The following CHMP7 variants were observed in gnomAD, a reference collection of about 807,000 sequenced individuals.
The protein encoded by CHMP7 is CHMP family, member 7.
In CHMP7, 15 loss-of-function variants were observed where a neutral mutation model predicts 53.7. The observed-to-expected ratio is 0.28, with a 90% CI of 0.19 to 0.43. The LOEUF is 0.43. CHMP7 is among the 20% of genes least tolerant of loss of function. The pLI is 1.00. For missense variants in CHMP7, 527 were observed against 569.4 expected, an observed-to-expected ratio of 0.93 and a Z score of 0.76; for synonymous variants, 261 against 228.0, an observed-to-expected ratio of 1.14 and a Z score of -1.30.
intron 2 of CHMP7, chr8:23,248,213 G>A: frequency 6.6e-6 from 3 of 456,220 alleles, no homozygotes; most frequent in Non-Finnish European, 1.3e-5. Flanking sequence ...TGAGGGAAGG[G>A]ACCAGAATGG....
rs75619283 is a variant in CHMP7, at chr8:23,255,540, C to T, written c.657+108C>T. On this transcript the variant is annotated intron_variant, in intron 4 of 10. Coordinates refer to ENST00000397677, the MANE Select transcript of CHMP7 (RefSeq NM_152272.5). ...GGTTTCCAGAGTTTCAGTAACCTGC[C>T]GTCAACCACGGTCCAAAAATAATAA... is the stretch of plus-strand genomic sequence containing the variant. 1.4e-3 allele frequency: 1,260 copies of T among 915,112 alleles called. 9 individuals are homozygous for T. The African/African-American group carries it at 0.018, about 13-fold the overall frequency. The allele number at this position is 915,112 out of a possible 1,614,324, so 56.7% of individuals were successfully genotyped here.
chr8:23,249,529 T>G, intron 3 of CHMP7, 148 bp downstream of exon 3: 1 of 589,512 alleles, frequency 1.7e-6, no homozygotes, highest in Non-Finnish European at 2.9e-6. Flanking sequence ...TCCCTTGTAC[T>G]TGCACTTTGT....
At chr8:23,257,616 T>TTGTAC (rs1437576039) in intron 5 of CHMP7, among the ~76,000 whole-genome samples, 1 of 152,194 alleles carries the variant, frequency 6.6e-6, no homozygotes, top group African/African-American at 2.4e-5. Flanking sequence ...AAGGAATCCC[T>TTGTAC]AATAAAGACA....
rs1316736151 is a variant in CHMP7, at chr8:23,246,449, G to A, written c.-247G>A. ...GCCTTTCTTTCGGCACAAAGACCGT[G>A]GGAGGAGGGGTCGGCGCAAGCGCTC... On this transcript the variant is annotated 5_prime_UTR_variant, in exon 2 of 11. Coordinates refer to ENST00000397677, the MANE Select transcript of CHMP7 (RefSeq NM_152272.5). 1 of 547,226 alleles carries A rather than the reference G, an allele frequency of 1.8e-6. No homozygotes were observed. Among genetic ancestry groups the A allele is most frequent in the Non-Finnish European group, 3.2e-6 (1 of 308,280 alleles). The allele number at this position is 547,226 out of a possible 1,614,324, so 33.9% of individuals were successfully genotyped here. A position where few individuals can be genotyped will look rare whatever the true frequency, so the allele number is the denominator to read the frequency against.
At chr8:23,248,114 A>G (rs546653562) in intron 2 of CHMP7, 18 of 456,028 alleles carry the variant, frequency 3.9e-5, no homozygotes, top group Non-Finnish European at 7.1e-5. Flanking sequence ...CACCTGGCCA[A>G]CGAGGCTTTC....
At chr8:23,244,069 T>G (rs1267904612) in intron 1 of CHMP7, among the ~76,000 whole-genome samples, 2 of 152,178 alleles carry the variant, frequency 1.3e-5, no homozygotes. Context: ...AGATGTCTTT[T>G]GCAAATAGTT....
chr8:23,255,169 T>A, intron 3 of CHMP7, 78 bp from the exon 4 acceptor site: 1 of 1,484,644 alleles, frequency 6.7e-7, no homozygotes, highest in Non-Finnish European at 9.3e-7. Context: ...GTGATCATGG[T>A]TTTGAAACTC....
rs774146710 is a variant in CHMP7 at position 23,246,879 on chromosome 8, AGC to A, written c.185_186del (p.Ser62ThrfsTer75). 6.3e-7 allele frequency: 1 copy of A among 1,590,362 alleles called. No individual in the cohort carries two copies. The highest frequency in any genetic ancestry group is 2.3e-5 in the East Asian group (1 of 43,654). ...KMGFWAPLVL[S>X]HSRRQGVVRL... is the part of the protein sequence containing the mutation. The stretch of plus-strand genomic sequence containing the variant: ...GGGCTTCTGGGCGCCGTTGGTGCTG[AGC>A]CACAGCCGCCGCCAGGGGGTGGTGC... On this transcript the variant is annotated frameshift_variant, in exon 2 of 11. Coordinates refer to ENST00000397677, the MANE Select transcript of CHMP7 (RefSeq NM_152272.5). LOFTEE classifies it high-confidence loss of function.
rs916842304 is a variant in CHMP7, at chr8:23,260,770, G to A, written c.*171G>A. On this transcript the variant is annotated 3_prime_UTR_variant, in exon 11 of 11. Transcript: ENST00000397677. ...CAGGACAGATAGAATTTCTGGAAGC[G>A]ATGCTCCAAAGGCTTGCTCCCAGCT... is the stretch of plus-strand genomic sequence containing the variant. 3.2e-6 allele frequency: 2 copies of A among 634,828 alleles called. No homozygotes were observed. The highest frequency in any genetic ancestry group is 2.8e-6 in the Non-Finnish European group (1 of 360,214). 39.3% of individuals were successfully genotyped at this position (634,828 alleles called of 1,614,324 possible).
intron 2 of CHMP7, among the ~76,000 whole-genome samples, chr8:23,248,882 C>T (rs888021798): frequency 4.6e-5 from 7 of 152,170 alleles, no homozygotes; most frequent in African/African-American, 1.7e-4. Flanking sequence ...GCCCAGAAGC[C>T]GCCTGTGTTT....
rs758221708 is a variant in CHMP7, at chr8:23,258,705, G to T, written c.961-27G>T. The T allele has an allele frequency of 4.6e-6, 7 of 1,512,688 alleles. No individual in the cohort carries two copies. In the South Asian group the frequency reaches 7.9e-5, roughly 17 times the overall value. The allele number at this position is 1,512,688 out of a possible 1,614,324, so 93.7% of individuals were successfully genotyped here. ...GTATTTTGCCAAATGTCTGTCATTT[G>T]CACTGATAGCTTTGCTTTGTCTTTA... On this transcript the variant is annotated intron_variant, in intron 7 of 10. Coordinates refer to ENST00000397677, the MANE Select transcript of CHMP7 (RefSeq NM_152272.5).
In CHMP7 at chr8:23,246,804, G is replaced by A; in HGVS notation, c.109G>A (p.Ala37Thr). Residue 37 changes from alanine to threonine, a missense_variant, in exon 2 of 11, where the codon GCT becomes ACT. Ala to Thr is a moderately conservative substitution (Grantham distance 58). Coordinates refer to ENST00000397677, the MANE Select transcript of CHMP7 (RefSeq NM_152272.5). ...DEERMSFLFSAFKRSREVNST... is the reference protein window; with the variant it reads ...DEERMSFLFSTFKRSREVNST... ...GGAGCGCATGTCCTTCCTGTTCTCC[G>A]CTTTCAAGAGGAGTCGCGAGGTGAA... The A allele has an allele frequency of 6.3e-7, 1 of 1,592,670 alleles. No homozygotes were observed. The highest frequency in any genetic ancestry group is 8.5e-7 in the Non-Finnish European group (1 of 1,170,064).
At chr8:23,251,791 G>T (rs548773898) in intron 3 of CHMP7, among the ~76,000 whole-genome samples, 2 of 152,248 alleles carry the variant, frequency 1.3e-5, no homozygotes, top group South Asian at 4.1e-4. Flanking sequence ...CAGGTGCTCC[G>T]CAGATGGACA....
rs1381302724 is a variant in CHMP7 at position 23,246,404 on chromosome 8, C to T, written c.-292C>T. ...TCTTGAAGGAGACGTAAGGTGCAGC[C>T]ACCTGCCGCGCAGGCGCAAGCCTTT... is the stretch of plus-strand genomic sequence containing the variant. On this transcript the variant is annotated 5_prime_UTR_variant, in exon 2 of 11. Transcript: ENST00000397677. 2 of 454,024 alleles carry T rather than the reference C, an allele frequency of 4.4e-6. No individual in the cohort carries two copies. The highest frequency in any genetic ancestry group is 7.9e-6 in the Non-Finnish European group (2 of 252,740). The allele number at this position is 454,024 out of a possible 1,614,324, so 28.1% of individuals were successfully genotyped here. A position where few individuals can be genotyped will look rare whatever the true frequency, so the allele number is the denominator to read the frequency against.
At position 23,261,946 on chromosome 8, in the gene CHMP7, CA is replaced by C. The variant is rs540894163; in HGVS notation, c.*1348del. 1.2e-4 allele frequency: 19 copies of C among 152,678 alleles called. No individual in the cohort carries two copies. In the East Asian group the frequency reaches 3.1e-3, roughly 25 times the overall value. The allele number at this position is 152,678 out of a possible 1,614,324, so 9.5% of individuals were successfully genotyped here. On this transcript the variant is annotated 3_prime_UTR_variant, in exon 11 of 11. Coordinates refer to ENST00000397677, the MANE Select transcript of CHMP7 (RefSeq NM_152272.5). ...AATGTTGGGGGTGAAGAGAAACAATCACTATTTTTTTCTTTTTTATCTGGTA... is the reference window on the plus strand; with the variant it reads ...AATGTTGGGGGTGAAGAGAAACAATCCTATTTTTTTCTTTTTTATCTGGTA...
chr8:23,258,173 G>C (rs1802213153), intron 6 of CHMP7, 92 bp downstream of exon 6: 4 of 1,432,968 alleles, frequency 2.8e-6, no homozygotes, highest in South Asian at 1.2e-5. Flanking sequence ...CTGGGGTTTT[G>C]AGGGGGGTAG....
At chr8:23,257,997 G>A in intron 5 of CHMP7, 36 bp from the exon 6 acceptor site, 1 of 1,536,894 alleles carries the variant, frequency 6.5e-7, no homozygotes. Flanking sequence ...CTCCCATCCT[G>A]TGGCACAGTA....
Position 23,259,104 on chromosome 8 carries a change from T to G in CHMP7, c.1098T>G (p.Ala366=), listed in dbSNP as rs1802262163. Residue 366 remains alanine, a synonymous_variant, in exon 9 of 11, where the codon GCT becomes GCG. Coordinates refer to ENST00000397677, the MANE Select transcript of CHMP7 (RefSeq NM_152272.5). ...DTQDEVSQTL[A]GGVTNGLDFD... ...AGGATGAAGTTTCTCAGACTCTGGCTGGTGGGGTAACAAATGGCTTAGGTG... is the reference window on the plus strand; with the variant it reads ...AGGATGAAGTTTCTCAGACTCTGGCGGGTGGGGTAACAAATGGCTTAGGTG... The G allele has an allele frequency of 6.2e-7, 1 of 1,604,928 alleles. No individual in the cohort carries two copies. The highest frequency in any genetic ancestry group is 8.5e-7 in the Non-Finnish European group (1 of 1,171,908).
rs1349393821 is a variant in CHMP7 at position 23,258,895 on chromosome 8, T to C, written c.1059+65T>C. ...GTGACAGAGGACAGATTTGACTTCA[T>C]TGCACATCCTCTTTAACGAAACCTG... On this transcript the variant is annotated intron_variant, in intron 8 of 10. Transcript: ENST00000397677. The C allele has an allele frequency of 4.1e-6, 5 of 1,205,410 alleles. No individual in the cohort carries two copies. In the African/African-American group the frequency reaches 7.5e-5, roughly 18 times the overall value. 74.7% of individuals were successfully genotyped at this position (1,205,410 alleles called of 1,614,324 possible).
Sources: gnomAD v4.1 joint callset for allele counts (sites outside exome capture counted in the v4.1 genomes callset) on GRCh38, gnomAD v4.1.1 for gene constraint, MANE v1.5 for transcripts, NCBI Gene and HGNC (gene_info 2026-07-23, HGNC 2026-07-21) for gene names.